The following CCSER2 variants were observed in gnomAD, a reference collection of about 807,000 sequenced individuals.
CCSER2 encodes the protein coiled-coil serine rich protein 2, also known as serine-rich coiled-coil domain-containing protein 2.
In CCSER2, 46 loss-of-function variants were observed where a neutral mutation model predicts 92.3. The observed-to-expected ratio is 0.50, with a 90% confidence interval of 0.39 to 0.64. The LOEUF (loss-of-function observed/expected upper bound fraction) is 0.64. Ranked by LOEUF, CCSER2 falls within the 30% of genes least tolerant of loss-of-function variation. The pLI is 0.00. For synonymous variants in CCSER2, 433 were observed against 431.4 expected, an observed-to-expected ratio of 1.00 and a Z score of -0.04; for missense variants, 1,244 against 1,238.9, an observed-to-expected ratio of 1.00 and a Z score of -0.06.
intron 6 of CCSER2, among the ~76,000 whole-genome samples, chr10:84,458,042 C>G (rs1029508070): frequency 6.6e-6 from 1 of 152,006 alleles, no homozygotes; most frequent in Non-Finnish European, 1.5e-5. Flanking sequence ...AGCAAAAGTT[C>G]TGCTCTTGAA....
At chr10:84,465,002 T>G (rs1034435751) in intron 7 of CCSER2, among the ~76,000 whole-genome samples, 3 of 152,166 alleles carry the variant, frequency 2.0e-5, no homozygotes, top group Admixed American at 1.3e-4. Flanking sequence ...CATTCTCTCA[T>G]CTTGGCTTTT....
chr10:84,346,789 T>A (rs769218482), intron 1 of CCSER2, among the ~76,000 whole-genome samples: 25 of 150,654 alleles, frequency 1.7e-4, no homozygotes, highest in Non-Finnish European at 2.8e-4. Flanking sequence ...TATTTATTTA[T>A]TTGTTTATTT....
intron 9 of CCSER2, among the ~76,000 whole-genome samples, chr10:84,486,565 C>A (rs1042362689): frequency 6.6e-6 from 1 of 152,106 alleles, no homozygotes; most frequent in Non-Finnish European, 1.5e-5. Context: ...CTGTTCATAT[C>A]CTTTGCCCAC....
chr10:84,391,509 T>C, intron 3 of CCSER2: 1 of 1,525,838 alleles, frequency 6.6e-7, no homozygotes, highest in Non-Finnish European at 9.1e-7. Context: ...TTCATGCCAA[T>C]ACTGGGAATC....
chr10:84,452,106 G>T (rs1353363800), intron 6 of CCSER2: 8 of 152,174 alleles, frequency 5.3e-5, no homozygotes, highest in African/African-American at 1.9e-4. Context: ...CCTTTCCTAG[G>T]ATGCCTCTTG....
intron 1 of CCSER2, among the ~76,000 whole-genome samples, chr10:84,341,653 C>T (rs1019100973): frequency 2.0e-5 from 3 of 152,060 alleles, no homozygotes; most frequent in African/African-American, 7.2e-5. Flanking sequence ...AGGTCTCAGT[C>T]CCACAAGATG....
chr10:84,416,695 G>A (rs572945976), intron 3 of CCSER2, among the ~76,000 whole-genome samples: 3 of 152,222 alleles, frequency 2.0e-5, no homozygotes, highest in African/African-American at 7.2e-5. Flanking sequence ...TTGGGAGGCC[G>A]AGGCAGGCAG....
chr10:84,495,051 T>C (rs1848373297), intron 9 of CCSER2, among the ~76,000 whole-genome samples: 1 of 151,658 alleles, frequency 6.6e-6, no homozygotes, highest in South Asian at 2.1e-4. Flanking sequence ...AAGACATCAG[T>C]TTAGCTTATT....
intron 1 of CCSER2, among the ~76,000 whole-genome samples, chr10:84,352,868 G>T (rs1844941673): frequency 6.6e-6 from 1 of 151,852 alleles, no homozygotes; most frequent in East Asian, 1.9e-4. Context: ...TTGGCTCACT[G>T]CAACCTCCGC....
At chr10:84,502,217 T>C (rs1848794076) in intron 9 of CCSER2, among the ~76,000 whole-genome samples, 1 of 152,042 alleles carries the variant, frequency 6.6e-6, no homozygotes, top group Non-Finnish European at 1.5e-5. Context: ...TCTTTTCCTA[T>C]ACTAAACTTG....
chr10:84,360,037 C>T (rs1175431583), intron 1 of CCSER2, among the ~76,000 whole-genome samples: 16 of 152,134 alleles, frequency 1.1e-4, no homozygotes, highest in Admixed American at 1.0e-3. Flanking sequence ...TGGTCTGGAA[C>T]TCCTGACCTC....
chr10:84,330,579 C>G (rs528881176), intron 1 of CCSER2, among the ~76,000 whole-genome samples: 5 of 152,166 alleles, frequency 3.3e-5, no homozygotes, highest in Non-Finnish European at 7.3e-5. Flanking sequence ...ATGGCCTCAT[C>G]TCGGCTCACT....
intron 9 of CCSER2, among the ~76,000 whole-genome samples, chr10:84,507,537 C>T (rs1849125329): frequency 6.6e-6 from 1 of 152,128 alleles, no homozygotes; most frequent in South Asian, 2.1e-4. Context: ...AAAAAATTAG[C>T]TAAATTCTGT....
chr10:84,388,904 T>G (rs1017255238), intron 3 of CCSER2, among the ~76,000 whole-genome samples: 3 of 152,182 alleles, frequency 2.0e-5, no homozygotes, highest in African/African-American at 7.2e-5. Context: ...GCTGTGCAGC[T>G]CAGTTCTTAA....
chr10:84,437,710 G>GTTTT (rs769780704), intron 5 of CCSER2, among the ~76,000 whole-genome samples: 16 of 126,814 alleles, frequency 1.3e-4, no homozygotes, highest in South Asian at 2.6e-4. Context: ...TTTTAGAGTA[G>GTTTT]TTTTTTTTTT....
rs534134893 is a variant in CCSER2, at chr10:84,381,805, G to A, written c.1614+7990G>A. Among the ~76,000 whole-genome samples the A allele has an allele frequency of 5.3e-5, 8 of 151,446 alleles. No individual in the cohort carries two copies. In the East Asian group the frequency reaches 7.8e-4, roughly 15 times the overall value. On this transcript the variant is annotated intron_variant, in intron 3 of 9. Coordinates refer to ENST00000372088, the MANE Select transcript of CCSER2 (RefSeq NM_001284240.2). ...AAGCCGAGTGTGGTGGCACGTGCCTGTAGTCCCAGCTACTCGGGAGGCTAG... is the reference window on the plus strand; with the variant it reads ...AAGCCGAGTGTGGTGGCACGTGCCTATAGTCCCAGCTACTCGGGAGGCTAG...
Position 84,441,819 on chromosome 10 carries a change from C to T in CCSER2, c.2064+3112C>T, listed in dbSNP as rs911212161. On this transcript the variant is annotated intron_variant, in intron 6 of 9. Transcript: ENST00000372088. ...TCTCTCAGGCTGGAGTGCAGTGGCG[C>T]GATCTCGGCTCACTGCAAACTCCAC... 2.0e-4 allele frequency among the ~76,000 whole-genome samples: 26 copies of T among 132,244 alleles called. 1 individual carries two copies. The highest frequency in any genetic ancestry group is 3.0e-4 in the African/African-American group (10 of 33,788). 86.8% of individuals were successfully genotyped at this position (132,244 alleles called of 152,430 possible).
At chr10:84,428,195 G>A (rs1438395188) in intron 5 of CCSER2, among the ~76,000 whole-genome samples, 1 of 152,134 alleles carries the variant, frequency 6.6e-6, no homozygotes, top group African/African-American at 2.4e-5. Context: ...CCAGTCTCCT[G>A]GAAGACAAAT....
rs766154480 is a variant in CCSER2 at position 84,371,620 on chromosome 10, G to A, written c.568G>A (p.Ala190Thr). ...RSAGSMQRPR[A>T]NSCATRSSSG... is the part of the protein sequence containing the mutation. ...AGCTGGTAGCATGCAAAGGCCTAGA[G>A]CGAACTCCTGTGCCACCAGAAGCAG... The change falls in exon 2 of 10, where the codon GCG (alanine) becomes ACG (threonine). Residue 190 changes from alanine to threonine, a missense_variant. Physicochemically the swap from Ala to Thr is moderately conservative, Grantham distance 58. Coordinates refer to ENST00000372088, the MANE Select transcript of CCSER2 (RefSeq NM_001284240.2). The A allele has an allele frequency of 1.9e-6, 3 of 1,613,434 alleles. No individual in the cohort carries two copies. The highest frequency in any genetic ancestry group is 2.5e-6 in the Non-Finnish European group (3 of 1,179,646).
Sources: allele counts gnomAD v4.1 joint callset (sites outside exome capture counted in the v4.1 genomes callset), GRCh38; gene constraint gnomAD v4.1.1; transcripts MANE v1.5; gene names NCBI Gene and HGNC (gene_info 2026-07-23, HGNC 2026-07-21).